BEST3: variants seen among roughly 807,000 people sequenced by gnomAD.
The protein encoded by BEST3 is bestrophin 3.
In BEST3, 50 loss-of-function variants were observed where a neutral mutation model predicts 47.1. The observed-to-expected ratio is 1.06, with a 90% CI of 0.85 to 1.34. BEST3 has a LOEUF of 1.34. Among genes scored for constraint, BEST3 ranks in the 40% most tolerant of loss-of-function variants. The probability of loss-of-function intolerance (pLI) is 0.00; values close to 1 mark genes in which losing one functional copy is unlikely to be tolerated. For missense variants in BEST3, 765 were observed against 817.0 expected, an observed-to-expected ratio of 0.94 and a Z score of 0.78; for synonymous variants, 282 against 298.8, an observed-to-expected ratio of 0.94 and a Z score of 0.58.
intron 9 of BEST3, among the ~76,000 whole-genome samples, chr12:69,664,887 T>G (rs574268547): frequency 1.3e-5 from 2 of 152,144 alleles, no homozygotes; most frequent in South Asian, 4.1e-4. Context: ...CCATCATTAA[T>G]TATACAATTA....
At chr12:69,659,208 C>A (rs1254145172) in intron 9 of BEST3, among the ~76,000 whole-genome samples, 3 of 152,194 alleles carry the variant, frequency 2.0e-5, no homozygotes, top group African/African-American at 7.2e-5. Context: ...GCATGACAAA[C>A]CTAAAGACAT....
downstream of BEST3, chr12:69,653,583 G>A: frequency 1.1e-6 from 1 of 942,204 alleles, no homozygotes; most frequent in Non-Finnish European, 1.3e-6. Context: ...CTGCTGCCTG[G>A]AACAGTGTAA....
chr12:69,671,870 G>A (rs1884599007), intron 8 of BEST3, among the ~76,000 whole-genome samples: 1 of 152,130 alleles, frequency 6.6e-6, no homozygotes, highest in Non-Finnish European at 1.5e-5. Context: ...GGAGGGAGGG[G>A]AGCCATCTTT....
intron 9 of BEST3, among the ~76,000 whole-genome samples, chr12:69,668,940 A>G (rs1359310371): frequency 6.6e-6 from 1 of 152,018 alleles, no homozygotes; most frequent in African/African-American, 2.4e-5. Context: ...TGCCCTCAGG[A>G]TGGGAGAGCC....
rs769516069 is a variant in BEST3, at chr12:69,654,195, A to G, written c.*712T>C. On this transcript the variant is annotated 3_prime_UTR_variant, in exon 10 of 10. Coordinates refer to ENST00000330891, the MANE Select transcript of BEST3 (RefSeq NM_032735.3). ...AGACATAAGCAACAGATTTGGCAAGAGGAAATATTATAACCTGAAAAATGG... is the reference window on the plus strand; with the variant it reads ...AGACATAAGCAACAGATTTGGCAAGGGGAAATATTATAACCTGAAAAATGG... 245 of 985,196 alleles carry G rather than the reference A, an allele frequency of 2.5e-4. No individual in the cohort carries two copies. The highest frequency in any genetic ancestry group is 2.9e-4 in the Non-Finnish European group (241 of 829,834). The allele number at this position is 985,196 out of a possible 1,614,324, so 61.0% of individuals were successfully genotyped here. A position where few individuals can be genotyped will look rare whatever the true frequency, so the allele number is the denominator to read the frequency against.
chr12:69,654,818 C>A lies in BEST3; in HGVS notation c.*89G>T. On this transcript the variant is annotated 3_prime_UTR_variant, in exon 10 of 10. Transcript: ENST00000330891. ...GTGATCATGTTTTTTAAAAAGTCGACCAGCCTTCAGGTATGTCCTGGGCCT... is the reference window on the plus strand; with the variant it reads ...GTGATCATGTTTTTTAAAAAGTCGAACAGCCTTCAGGTATGTCCTGGGCCT... 6.7e-7 allele frequency: 1 copy of A among 1,501,338 alleles called. No individual in the cohort carries two copies. The highest frequency in any genetic ancestry group is 8.9e-7 in the Non-Finnish European group (1 of 1,126,788). The allele number at this position is 1,501,338 out of a possible 1,614,324, so 93.0% of individuals were successfully genotyped here.
chr12:69,676,404 C>G (rs1357979997), intron 7 of BEST3, among the ~76,000 whole-genome samples: 1 of 147,118 alleles, frequency 6.8e-6, no homozygotes, highest in East Asian at 2.0e-4. Context: ...GAACAAGACT[C>G]TGTCTCAGGG....
chr12:69,665,908 G>T (rs1456524686), intron 9 of BEST3, among the ~76,000 whole-genome samples: 1 of 152,176 alleles, frequency 6.6e-6, no homozygotes, highest in African/African-American at 2.4e-5. Flanking sequence ...AAATGGTGGG[G>T]AAGATAAAGG....
At position 69,655,695 on chromosome 12, in the gene BEST3, T is replaced by C. The variant is rs1883437104; in HGVS notation, c.1219A>G (p.Ser407Gly). 7.4e-6 allele frequency: 12 copies of C among 1,614,044 alleles called. No homozygotes were observed. Among genetic ancestry groups the C allele is most frequent in the Non-Finnish European group, 1.0e-5 (12 of 1,180,006 alleles). The stretch of plus-strand genomic sequence containing the variant: ...CTCCTGTAGCTTCTTCTTCTGGGGC[T>C]GGAGGGGTGTTCGTGGGCACTCAGG... ...RFLSAHEHPSSPRRRSYRRQT... is the reference protein window; with the variant it reads ...RFLSAHEHPSGPRRRSYRRQT... Residue 407 changes from serine to glycine, a missense_variant, in exon 10 of 10, where the codon AGC becomes GGC. Transcript: ENST00000330891.
In BEST3 at chr12:69,682,317, T is replaced by A. The variant is rs568521021; in HGVS notation, c.482-3424A>T. Among the ~76,000 whole-genome samples the A allele has an allele frequency of 1.6e-4, 25 of 152,282 alleles. No individual in the cohort carries two copies. The South Asian group carries it at 5.2e-3, about 32-fold the overall frequency. On this transcript the variant is annotated intron_variant, in intron 4 of 9. Coordinates refer to ENST00000330891, the MANE Select transcript of BEST3 (RefSeq NM_032735.3). Reference sequence around the variant, plus strand: ...AACTGAAGGTTCTGTTTATTCAGGATTTGAAATAAACAAAGTAACAACTAC... The same window carrying A: ...AACTGAAGGTTCTGTTTATTCAGGAATTGAAATAAACAAAGTAACAACTAC...
At chr12:69,652,619 A>G (rs1883246960), downstream of BEST3, among the ~76,000 whole-genome samples, 1 of 152,234 alleles carries the variant, frequency 6.6e-6, no homozygotes, top group South Asian at 2.1e-4. Context: ...AAAAGTGCAT[A>G]AGGGGCGTGT....
chr12:69,697,665 G>A lies in BEST3; in HGVS notation c.134C>T (p.Ala45Val). Residue 45 changes from alanine to valine, a missense_variant, in exon 2 of 10, where the codon GCA becomes GTA. Coordinates refer to ENST00000330891, the MANE Select transcript of BEST3 (RefSeq NM_032735.3). ...EFIVFAVLYT[A>V]ISLVYRLLLT... ...AAAGTACCTGTATACCAAACTTATT[G>A]CTGTATAAAGAACAGCAAAAACAAT... 2.5e-6 allele frequency: 4 copies of A among 1,599,502 alleles called. No homozygotes were observed. Among genetic ancestry groups the A allele is most frequent in the Non-Finnish European group, 3.4e-6 (4 of 1,174,230 alleles).
At chr12:69,695,551 G>C (rs1258295118) in intron 2 of BEST3, among the ~76,000 whole-genome samples, 4 of 152,106 alleles carry the variant, frequency 2.6e-5, no homozygotes, top group African/African-American at 7.2e-5. Flanking sequence ...TTGTTGCAGA[G>C]GTCTATCAGG....
At chr12:69,644,623 G>A (rs1882975720) in intron 9 of BEST3, among the ~76,000 whole-genome samples, 1 of 152,150 alleles carries the variant, frequency 6.6e-6, no homozygotes, top group South Asian at 2.1e-4. Flanking sequence ...TTAAATTTGT[G>A]AAGGGATTGT....
At chr12:69,698,890 G>C (rs760180446) in intron 1 of BEST3, among the ~76,000 whole-genome samples, 18 of 152,312 alleles carry the variant, frequency 1.2e-4, no homozygotes, top group Non-Finnish European at 2.5e-4. Context: ...AAAGAAGGTA[G>C]GGCCTTTTGG....
chr12:69,698,628 G>A (rs1251515192), intron 1 of BEST3, among the ~76,000 whole-genome samples: 2 of 152,180 alleles, frequency 1.3e-5, no homozygotes, highest in African/African-American at 2.4e-5. Context: ...GAGCTACTTA[G>A]ACTGAAATCA....
chr12:69,686,583 C>T (rs1885601331), intron 4 of BEST3, among the ~76,000 whole-genome samples: 1 of 151,466 alleles, frequency 6.6e-6, no homozygotes, highest in African/African-American at 2.4e-5. Context: ...ACCAGCCTGG[C>T]CAATATGGTG....
intron 4 of BEST3, among the ~76,000 whole-genome samples, chr12:69,680,990 A>T (rs1168374009): frequency 6.6e-6 from 1 of 151,896 alleles, no homozygotes; most frequent in Non-Finnish European, 1.5e-5. Context: ...CTTTTTGAAT[A>T]GACATTTAAG....
At chr12:69,659,316 C>T (rs1394915718) in intron 9 of BEST3, among the ~76,000 whole-genome samples, 1 of 152,190 alleles carries the variant, frequency 6.6e-6, no homozygotes, top group Non-Finnish European at 1.5e-5. Context: ...ACAGCAGAAG[C>T]TGTGCTTTAA....
Sources: allele counts gnomAD v4.1 joint callset (sites outside exome capture counted in the v4.1 genomes callset), GRCh38; gene constraint gnomAD v4.1.1; transcripts MANE v1.5; gene names NCBI Gene and HGNC (gene_info 2026-07-23, HGNC 2026-07-21).